PKNOX2: variants seen among roughly 807,000 people sequenced by gnomAD.
PKNOX2 encodes the protein homeobox protein PKNOX2.
A neutral mutation model predicts 53.1 loss-of-function variants in PKNOX2; 14 were observed. The ratio of observed to expected loss-of-function variants is 0.26; its 90% CI spans 0.17 to 0.41. The LOEUF is 0.41. PKNOX2 is among the 10% of genes least tolerant of loss of function. The probability of loss-of-function intolerance (pLI) is 1.00; values close to 1 mark genes in which losing one functional copy is unlikely to be tolerated. For missense variants in PKNOX2, 496 were observed against 602.8 expected (o/e 0.82, Z 1.85); for synonymous variants, 257 against 242.8 (o/e 1.06, Z -0.54).
chr11:125,382,687 C>T (rs1953334726), intron 5 of PKNOX2, among the ~76,000 whole-genome samples: 1 of 152,180 alleles, frequency 6.6e-6, no homozygotes, highest in Non-Finnish European at 1.5e-5. Flanking sequence ...TTTGGTATTC[C>T]ACTCAGGGCC....
At chr11:125,417,819 C>T (rs1955972069) in intron 10 of PKNOX2, among the ~76,000 whole-genome samples, 2 of 151,980 alleles carry the variant, frequency 1.3e-5, no homozygotes, top group African/African-American at 4.9e-5. Flanking sequence ...CCCCACTCAT[C>T]ACATTCAGAA....
At chr11:125,237,821 G>T (rs984709098) in intron 2 of PKNOX2, among the ~76,000 whole-genome samples, 3 of 152,164 alleles carry the variant, frequency 2.0e-5, no homozygotes, top group African/African-American at 7.2e-5. Context: ...AGGAGTCCTA[G>T]ACTGTGAGCC....
chr11:125,231,698 C>A (rs1019075581), intron 1 of PKNOX2, among the ~76,000 whole-genome samples: 1 of 151,820 alleles, frequency 6.6e-6, no homozygotes, highest in African/African-American at 2.4e-5. Context: ...ATTGCATGTG[C>A]TTACACACAC....
In PKNOX2 at chr11:125,166,409, A is replaced by C. The variant is rs1954880310; in HGVS notation, c.-201+1633A>C. ...TAGGAGGAGAGGACTTGGGCCACACAGGACCCGGTCCTAAGAGAGCGATTC... is the reference window on the plus strand; with the variant it reads ...TAGGAGGAGAGGACTTGGGCCACACCGGACCCGGTCCTAAGAGAGCGATTC... On this transcript the variant is annotated intron_variant, in intron 1 of 12. Transcript: ENST00000298282. The surrounding 1 kb of genome is among the most constrained non-coding windows in gnomAD (Gnocchi z 4.0). Among the ~76,000 whole-genome samples, 1 of 152,210 alleles carries C rather than the reference A, an allele frequency of 6.6e-6. No homozygotes were observed. Among genetic ancestry groups the C allele is most frequent in the South Asian group, 2.1e-4 (1 of 4,838 alleles).
intron 2 of PKNOX2, among the ~76,000 whole-genome samples, chr11:125,263,003 A>G (rs1021879944): frequency 6.6e-6 from 1 of 152,156 alleles, no homozygotes; most frequent in South Asian, 2.1e-4. Context: ...TGCACGGGGC[A>G]GTCTCTGTAG....
chr11:125,227,846 T>C (rs960196560), intron 1 of PKNOX2, among the ~76,000 whole-genome samples: 2 of 152,266 alleles, frequency 1.3e-5, no homozygotes, highest in Non-Finnish European at 2.9e-5. Flanking sequence ...GAGCAACTAC[T>C]GACCTCACTG....
chr11:125,266,671 A>G (rs1292970564), intron 2 of PKNOX2: 2 of 152,194 alleles, frequency 1.3e-5, no homozygotes, highest in Non-Finnish European at 2.9e-5. Flanking sequence ...GACCCTCGAT[A>G]GGCCCTGCCA....
At chr11:125,345,338 C>T (rs1950912878) in intron 3 of PKNOX2, among the ~76,000 whole-genome samples, 1 of 152,146 alleles carries the variant, frequency 6.6e-6, no homozygotes, top group Non-Finnish European at 1.5e-5. Flanking sequence ...GGTCAAGCCT[C>T]CCAGCCCATG....
At chr11:125,395,514 GCTGT>G (rs1468761381) in intron 6 of PKNOX2, among the ~76,000 whole-genome samples, 3 of 152,170 alleles carry the variant, frequency 2.0e-5, no homozygotes, top group African/African-American at 4.8e-5. Flanking sequence ...TTCCAGAGTG[GCTGT>G]ACCATTTTAC....
At chr11:125,389,196 AAAACAAAC>A (rs71462898) in intron 6 of PKNOX2, among the ~76,000 whole-genome samples, 3 of 151,370 alleles carry the variant, frequency 2.0e-5, no homozygotes, top group Admixed American at 6.6e-5. Flanking sequence ...CTCCATTTCA[AAAACAAAC>A]AAACAAACAA....
Position 125,370,182 on chromosome 11 carries a change from A to G in PKNOX2, c.227+2197A>G, listed in dbSNP as rs1183588055. 1.3e-5 allele frequency among the ~76,000 whole-genome samples: 2 copies of G among 152,160 alleles called. No individual in the cohort carries two copies. Among genetic ancestry groups the G allele is most frequent in the Non-Finnish European group, 2.9e-5 (2 of 68,026 alleles). ...TGTGTCCTAGCCTCTCTGAGCTTTC[A>G]TGTCCCGATGGAACCTAAGCAGCAG... On this transcript the variant is annotated intron_variant, in intron 5 of 12. Coordinates refer to ENST00000298282, the MANE Select transcript of PKNOX2 (RefSeq NM_001382323.2). The surrounding 1 kb of genome is among the most constrained non-coding windows in gnomAD (Gnocchi z 4.1).
intron 2 of PKNOX2, among the ~76,000 whole-genome samples, chr11:125,275,876 G>C (rs1946119594): frequency 6.6e-6 from 1 of 152,134 alleles, no homozygotes; most frequent in Non-Finnish European, 1.5e-5. Flanking sequence ...GTTGGAGATG[G>C]GGATGTGAGA....
chr11:125,313,298 G>C (rs187025768), intron 2 of PKNOX2, among the ~76,000 whole-genome samples: 1 of 152,150 alleles, frequency 6.6e-6, no homozygotes, highest in Non-Finnish European at 1.5e-5. Context: ...GTCCCTAATG[G>C]GGCCTGGTGA....
intron 2 of PKNOX2, among the ~76,000 whole-genome samples, chr11:125,313,016 G>C (rs1162225342): frequency 6.6e-6 from 1 of 152,228 alleles, no homozygotes; most frequent in African/African-American, 2.4e-5. Context: ...CAAGCCCACT[G>C]GAGGCCCGTG....
At chr11:125,241,391 C>A (rs1290197910) in intron 2 of PKNOX2, among the ~76,000 whole-genome samples, 3 of 152,194 alleles carry the variant, frequency 2.0e-5, no homozygotes, top group Admixed American at 6.5e-5. Context: ...TACAGGCCTT[C>A]CCAGCCTCCC....
intron 3 of PKNOX2, among the ~76,000 whole-genome samples, chr11:125,349,837 T>TCTCACACA (rs751372092): frequency 7.2e-6 from 1 of 138,040 alleles, no homozygotes; most frequent in South Asian, 2.5e-4. Context: ...ACCAAAAGAA[T>TCTCACACA]CACACACACA....
chr11:125,398,976 G>A (rs1003238962), intron 7 of PKNOX2, among the ~76,000 whole-genome samples: 10 of 152,222 alleles, frequency 6.6e-5, no homozygotes, highest in African/African-American at 7.2e-5. Context: ...GCCAAAGAAA[G>A]GCTGTGCCGT....
At chr11:125,311,919 G>C (rs1260554534) in intron 2 of PKNOX2, among the ~76,000 whole-genome samples, 2 of 152,106 alleles carry the variant, frequency 1.3e-5, no homozygotes, top group African/African-American at 4.8e-5. Flanking sequence ...ATCTGAATTT[G>C]CTCTTGAACC....
chr11:125,389,884 C>T (rs531202198), intron 6 of PKNOX2, among the ~76,000 whole-genome samples: 3 of 152,244 alleles, frequency 2.0e-5, no homozygotes, highest in South Asian at 2.1e-4. Flanking sequence ...TGCCTGACCG[C>T]AAAGCCAGCT....
Sources: allele counts gnomAD v4.1 joint callset (sites outside exome capture counted in the v4.1 genomes callset), GRCh38; gene constraint gnomAD v4.1.1; non-coding constraint Gnocchi (gnomAD v3.1); transcripts MANE v1.5; gene names NCBI Gene and HGNC (gene_info 2026-07-23, HGNC 2026-07-21).